The following THRB variants were observed in gnomAD, a reference collection of about 807,000 sequenced individuals.
The protein encoded by THRB is thyroid hormone receptor beta, also known as nuclear receptor subfamily 1 group A member 2.
A neutral mutation model predicts 47.8 loss-of-function variants in THRB; 12 were observed. That is an observed-to-expected ratio of 0.25 (90% CI 0.16 to 0.41). The LOEUF (loss-of-function observed/expected upper bound fraction) is 0.41. Among genes scored for constraint, THRB ranks in the 10% least tolerant of loss-of-function variants. The pLI is 1.00. For missense variants in THRB, 348 were observed against 589.2 expected, an observed-to-expected ratio of 0.59 and a Z score of 4.24; for synonymous variants, 218 against 212.2, an observed-to-expected ratio of 1.03 and a Z score of -0.24.
chr3:24,224,632 C>T (rs2047476802), intron 4 of THRB, among the ~76,000 whole-genome samples: 1 of 152,118 alleles, frequency 6.6e-6, no homozygotes, highest in Non-Finnish European at 1.5e-5. Flanking sequence ...CCGAGTTTTC[C>T]CAACTTAAAT....
At chr3:24,149,572 A>T (rs1264547555) in intron 6 of THRB, among the ~76,000 whole-genome samples, 1 of 152,226 alleles carries the variant, frequency 6.6e-6, no homozygotes. Context: ...TAGCTCTACT[A>T]TACACTATGC....
chr3:24,160,184 G>A (rs936555151), intron 5 of THRB, among the ~76,000 whole-genome samples: 1 of 152,192 alleles, frequency 6.6e-6, no homozygotes, highest in Non-Finnish European at 1.5e-5. Context: ...ATGGAGACTA[G>A]GGTGACAGAG....
intron 4 of THRB, among the ~76,000 whole-genome samples, chr3:24,205,269 C>A (rs1010527560): frequency 9.9e-5 from 15 of 152,146 alleles, no homozygotes; most frequent in Non-Finnish European, 2.1e-4. Flanking sequence ...TCAGGTTACC[C>A]ACAAAGGGAA....
At chr3:24,329,700 T>G (rs1469584414) in intron 2 of THRB, among the ~76,000 whole-genome samples, 1 of 152,250 alleles carries the variant, frequency 6.6e-6, no homozygotes. Context: ...CCAGTTCAAG[T>G]GCTAGAATAG....
At chr3:24,244,052 C>T (rs1407460690) in intron 3 of THRB, among the ~76,000 whole-genome samples, 6 of 151,932 alleles carry the variant, frequency 3.9e-5, no homozygotes, top group East Asian at 1.9e-4. Context: ...AGGAAGTGGA[C>T]GAGTGGTCAG....
At chr3:24,203,939 G>A (rs1020392874) in intron 4 of THRB, among the ~76,000 whole-genome samples, 8 of 152,234 alleles carry the variant, frequency 5.3e-5, no homozygotes, top group Non-Finnish European at 7.3e-5. Flanking sequence ...CAAACTGCAA[G>A]GTGGCAGCAA....
intron 10 of THRB, 100 bp from the exon 11 acceptor site, chr3:24,123,225 G>T: frequency 6.4e-7 from 1 of 1,559,788 alleles, no homozygotes; most frequent in Non-Finnish European, 8.7e-7. Context: ...GCAGATCTAG[G>T]GTCTTCCCTC....
intron 4 of THRB, among the ~76,000 whole-genome samples, chr3:24,212,265 G>A (rs1012785390): frequency 6.6e-6 from 1 of 152,142 alleles, no homozygotes; most frequent in African/African-American, 2.4e-5. Context: ...AGGCTTGGTG[G>A]CAGGTGCCTG....
At chr3:24,277,144 T>G (rs982915432) in intron 3 of THRB, among the ~76,000 whole-genome samples, 1 of 152,122 alleles carries the variant, frequency 6.6e-6, no homozygotes, top group Non-Finnish European at 1.5e-5. Flanking sequence ...TCTGGAACAG[T>G]GGTTATCAAT....
chr3:24,232,965 T>C (rs958535413), intron 3 of THRB, among the ~76,000 whole-genome samples: 2 of 152,088 alleles, frequency 1.3e-5, no homozygotes, highest in African/African-American at 4.8e-5. Context: ...CAGCTAAAAA[T>C]AAAAGTCACA....
intron 2 of THRB, among the ~76,000 whole-genome samples, chr3:24,321,535 G>T (rs988873167): frequency 3.9e-5 from 6 of 152,130 alleles, no homozygotes; most frequent in African/African-American, 1.4e-4. Context: ...TGAAATTATG[G>T]CAGTTTGGGA....
chr3:24,435,829 T>C (rs1321186677), intron 1 of THRB, among the ~76,000 whole-genome samples: 1 of 152,190 alleles, frequency 6.6e-6, no homozygotes, highest in Non-Finnish European at 1.5e-5. Context: ...GGCCTCCCCC[T>C]CCGCGGCCCT....
At chr3:24,235,256 T>A (rs956318368) in intron 3 of THRB, among the ~76,000 whole-genome samples, 1 of 152,210 alleles carries the variant, frequency 6.6e-6, no homozygotes, top group African/African-American at 2.4e-5. Context: ...ACGCTTGCCC[T>A]GACCACACAC....
chr3:24,495,315 A>ACC (rs75376248), upstream of THRB: 153,632 of 153,730 alleles, frequency 1, 76,767 homozygotes, highest in Middle Eastern at 1. Context: ...CGCCGCCGCC[A>ACC]GCCATCGCCA....
rs574671784 is a variant in THRB, at chr3:24,180,636, C to T, written c.283+9438G>A. 2.6e-5 allele frequency among the ~76,000 whole-genome samples: 4 copies of T among 152,266 alleles called. No homozygotes were observed. The East Asian group carries it at 5.8e-4, about 22-fold the overall frequency. ...TGTTTCTGAATTTCTGGGACCCGGG[C>T]AGTGTGGATAGAGGCTCATATTTAT... On this transcript the variant is annotated intron_variant, in intron 5 of 10. Coordinates refer to ENST00000646209, the MANE Select transcript of THRB (RefSeq NM_001354712.2).
intron 2 of THRB, among the ~76,000 whole-genome samples, chr3:24,320,826 G>T (rs1464218545): frequency 6.6e-6 from 1 of 152,032 alleles, no homozygotes; most frequent in Admixed American, 6.5e-5. Flanking sequence ...TCTTGGACTT[G>T]AGGCCTATGT....
intron 3 of THRB, among the ~76,000 whole-genome samples, chr3:24,252,337 T>C (rs1171622900): frequency 6.6e-6 from 1 of 151,962 alleles, no homozygotes; most frequent in African/African-American, 2.4e-5. Flanking sequence ...CCTCAATATA[T>C]ATGGAAATTT....
At chr3:24,219,627 G>A (rs1302916840) in intron 4 of THRB, among the ~76,000 whole-genome samples, 2 of 152,178 alleles carry the variant, frequency 1.3e-5, no homozygotes, top group Non-Finnish European at 2.9e-5. Context: ...GCCCACCCTA[G>A]GTCAGGTTAG....
At chr3:24,251,813 G>T (rs1476358582) in intron 3 of THRB, among the ~76,000 whole-genome samples, 6 of 151,962 alleles carry the variant, frequency 3.9e-5, no homozygotes, top group Non-Finnish European at 7.4e-5. Flanking sequence ...AATTACTTTT[G>T]TAAATCAGCA....
Sources: gnomAD v4.1 joint callset for allele counts (sites outside exome capture counted in the v4.1 genomes callset) on GRCh38, gnomAD v4.1.1 for gene constraint, MANE v1.5 for transcripts, NCBI Gene and HGNC (gene_info 2026-07-23, HGNC 2026-07-21) for gene names.